TTC17: variants seen among roughly 807,000 people sequenced by gnomAD.
The protein encoded by TTC17 is tetratricopeptide repeat protein 17.
TTC17 carries 58 observed loss-of-function variants against 143.8 expected under a neutral mutation model. That is an observed-to-expected ratio of 0.40 (90% CI 0.33 to 0.50). The LOEUF (loss-of-function observed/expected upper bound fraction) is 0.50, where lower values mean the gene tolerates loss of function less well. Among genes scored for constraint, TTC17 ranks in the 20% least tolerant of loss-of-function variants. TTC17 has a pLI of 0.49. For synonymous variants in TTC17, 501 were observed against 497.8 expected (o/e 1.01, Z -0.09); for missense variants, 1,273 against 1,392.5 (o/e 0.91, Z 1.37).
At chr11:43,384,118 A>G (rs1231921929) in intron 2 of TTC17, among the ~76,000 whole-genome samples, 1 of 149,634 alleles carries the variant, frequency 6.7e-6, no homozygotes, top group African/African-American at 2.5e-5. Flanking sequence ...GCACTCCAGC[A>G]TGGGTGACAG....
chr11:43,399,244 A>C (rs1857744985), intron 8 of TTC17, among the ~76,000 whole-genome samples: 2 of 152,264 alleles, frequency 1.3e-5, no homozygotes, highest in African/African-American at 4.8e-5. Flanking sequence ...TTCTAGAAAG[A>C]CTTTGAATGT....
At chr11:43,488,236 G>C (rs1361312166) in intron 21 of TTC17, among the ~76,000 whole-genome samples, 1 of 152,144 alleles carries the variant, frequency 6.6e-6, no homozygotes, top group African/African-American at 2.4e-5. Context: ...GTGAGGCATA[G>C]AGTGATAGGT....
At chr11:43,484,697 A>T (rs1380783498) in intron 21 of TTC17, among the ~76,000 whole-genome samples, 2 of 152,194 alleles carry the variant, frequency 1.3e-5, no homozygotes, top group Non-Finnish European at 2.9e-5. Context: ...ATAAAACAAG[A>T]CATTATGCTG....
At chr11:43,367,179 G>A (rs925416031) in intron 1 of TTC17, among the ~76,000 whole-genome samples, 3 of 152,144 alleles carry the variant, frequency 2.0e-5, no homozygotes, top group African/African-American at 7.2e-5. Flanking sequence ...TGTCTTTAAA[G>A]CTTTGAGTCA....
At chr11:43,425,775 G>A (rs139870005) in intron 16 of TTC17, among the ~76,000 whole-genome samples, 1 of 152,158 alleles carries the variant, frequency 6.6e-6, no homozygotes, top group South Asian at 2.1e-4. Flanking sequence ...TCAGTAATCT[G>A]TTACTAACCA....
chr11:43,402,663 T>G (rs570032909), intron 10 of TTC17, among the ~76,000 whole-genome samples: 1 of 152,290 alleles, frequency 6.6e-6, no homozygotes, highest in South Asian at 2.1e-4. Context: ...ATTTCACATT[T>G]TTTGATTGGG....
chr11:43,404,916 T>C (rs1032252093), intron 11 of TTC17, among the ~76,000 whole-genome samples: 4 of 152,054 alleles, frequency 2.6e-5, no homozygotes, highest in African/African-American at 9.7e-5. Flanking sequence ...AAAAGTAGTG[T>C]TCAATGCCAG....
chr11:43,449,956 A>G, intron 19 of TTC17, 126 bp from the exon 20 acceptor site: 1 of 1,033,418 alleles, frequency 9.7e-7, no homozygotes, highest in Non-Finnish European at 1.4e-6. Flanking sequence ...ATCAGGGGAT[A>G]GCATGTTGAA....
chr11:43,397,793 T>G (rs1291880102), intron 7 of TTC17, among the ~76,000 whole-genome samples, 181 bp from the exon 8 acceptor site: 1 of 152,126 alleles, frequency 6.6e-6, no homozygotes, highest in Non-Finnish European at 1.5e-5. Flanking sequence ...AGGGATCTGG[T>G]CACTGATCAA....
At chr11:43,373,639 A>G (rs1389296566) in intron 1 of TTC17, among the ~76,000 whole-genome samples, 1 of 152,228 alleles carries the variant, frequency 6.6e-6, no homozygotes, top group African/African-American at 2.4e-5. Flanking sequence ...GAAGCTTTTA[A>G]CAACAGCTTT....
Position 43,412,180 on chromosome 11 carries a change from C to T in TTC17, c.2065-2410C>T, listed in dbSNP as rs187994943. ...AATAGCATACAAAGTACACTGTTTA[C>T]AATAGCATCAAGAAAACATCAGATC... On this transcript the variant is annotated intron_variant, in intron 15 of 23. Transcript: ENST00000039989. 4.9e-4 allele frequency among the ~76,000 whole-genome samples: 75 copies of T among 152,220 alleles called. No homozygotes were observed. The East Asian group carries it at 0.014, about 27-fold the overall frequency.
chr11:43,488,214 C>G (rs889338727), intron 21 of TTC17, among the ~76,000 whole-genome samples: 5 of 151,922 alleles, frequency 3.3e-5, no homozygotes, highest in Non-Finnish European at 7.4e-5. Flanking sequence ...GCTGTAAAAC[C>G]AATACTAAAA....
intron 13 of TTC17, 103 bp from the exon 14 acceptor site, chr11:43,407,035 C>T: frequency 2.8e-6 from 2 of 723,194 alleles, no homozygotes; most frequent in Non-Finnish European, 2.3e-6. Context: ...TTCAAATTAG[C>T]TGTTCCTGAG....
At chr11:43,493,353 A>G (rs1948505244) in intron 23 of TTC17, among the ~76,000 whole-genome samples, 1 of 152,222 alleles carries the variant, frequency 6.6e-6, no homozygotes, top group South Asian at 2.1e-4. Context: ...AGGCAGATGC[A>G]TAATGGGCAT....
chr11:43,457,510 A>G (rs927372052), intron 21 of TTC17, among the ~76,000 whole-genome samples: 10 of 152,198 alleles, frequency 6.6e-5, no homozygotes, highest in African/African-American at 2.4e-4. Context: ...TTTACAGATA[A>G]TAGAGATATT....
chr11:43,401,980 AAAATAAATAAATAAATAAATAAAT>A (rs35991566), intron 10 of TTC17, among the ~76,000 whole-genome samples: 27 of 140,438 alleles, frequency 1.9e-4, no homozygotes, highest in South Asian at 7.1e-4. Flanking sequence ...TGTGTCTCAA[AAAATAAATAAATAAATAAATAAAT>A]AAATAAATAA....
At chr11:43,455,258 T>C (rs1242785239) in intron 21 of TTC17, among the ~76,000 whole-genome samples, 1 of 151,566 alleles carries the variant, frequency 6.6e-6, no homozygotes, top group African/African-American at 2.4e-5. Context: ...TCAGAGAAAT[T>C]TGCATAGCAT....
At chr11:43,462,933 T>TTTTTTTTTG (rs58976823) in intron 21 of TTC17, among the ~76,000 whole-genome samples, 1 of 144,522 alleles carries the variant, frequency 6.9e-6, no homozygotes, top group African/African-American at 2.9e-5. Flanking sequence ...TTTTTTTTTT[T>TTTTTTTTTG]GAGACAGAGT....
At chr11:43,415,495 T>C (rs1384960542) in intron 16 of TTC17, among the ~76,000 whole-genome samples, 1 of 152,188 alleles carries the variant, frequency 6.6e-6, no homozygotes, top group African/African-American at 2.4e-5. Flanking sequence ...TACGTGTGGA[T>C]CCTCAGTATC....
Sources: gnomAD v4.1 joint callset for allele counts (sites outside exome capture counted in the v4.1 genomes callset) on GRCh38, gnomAD v4.1.1 for gene constraint, MANE v1.5 for transcripts, NCBI Gene and HGNC (gene_info 2026-07-23, HGNC 2026-07-21) for gene names.